The following COA8 variants were observed in gnomAD, a reference collection of about 807,000 sequenced individuals.
COA8 encodes the protein UPF0671 protein C14orf153.
COA8 carries 20 observed loss-of-function variants against 22.0 expected under a neutral mutation model. The ratio of observed to expected loss-of-function variants is 0.91; its 90% CI spans 0.64 to 1.32. COA8 has a LOEUF of 1.32. Ranked by LOEUF, COA8 falls within the 40% of genes most tolerant of loss-of-function variation. The pLI is 0.00. For missense variants in COA8, 266 were observed against 230.0 expected, an observed-to-expected ratio of 1.16 and a Z score of -1.01; for synonymous variants, 105 against 79.9, an observed-to-expected ratio of 1.31 and a Z score of -1.68.
At position 103,578,586 on chromosome 14, in the gene COA8, C is replaced by T. The variant is rs1034447583; in HGVS notation, c.385+4416C>T. Among the ~76,000 whole-genome samples, 8 of 152,162 alleles carry T rather than the reference C, an allele frequency of 5.3e-5. No individual in the cohort carries two copies. In the East Asian group the frequency reaches 5.8e-4, roughly 11 times the overall value. The stretch of plus-strand genomic sequence containing the variant: ...CCTAAGTATTTATGAAACACCCACT[C>T]GGTTTTCAGTAAGTGTGGTGAACTC... On this transcript the variant is annotated intron_variant, in intron 3 of 4. Coordinates refer to ENST00000409074, the MANE Select transcript of COA8 (RefSeq NM_001370595.2).
intron 1 of COA8, among the ~76,000 whole-genome samples, chr14:103,570,096 A>G (rs1566978785): frequency 1.3e-5 from 2 of 152,084 alleles, no homozygotes; most frequent in Non-Finnish European, 2.9e-5. Flanking sequence ...ACCTTAGGTG[A>G]TCCACCCACC....
chr14:103,583,257 T>C (rs1218927237), intron 3 of COA8, among the ~76,000 whole-genome samples: 2 of 152,116 alleles, frequency 1.3e-5, no homozygotes, highest in East Asian at 1.9e-4. Context: ...AGAGTCTTTT[T>C]GGCCTGGCGC....
At chr14:103,571,583 T>C (rs1180321655) in intron 1 of COA8, 40 bp from the exon 2 acceptor site, 1 of 1,509,800 alleles carries the variant, frequency 6.6e-7, no homozygotes, top group Non-Finnish European at 9.2e-7. Flanking sequence ...ATACTAGAGA[T>C]TCATTTTGTC....
At chr14:103,564,011 G>T (rs183070716) in intron 1 of COA8, among the ~76,000 whole-genome samples, 96 of 152,126 alleles carry the variant, frequency 6.3e-4, no homozygotes, top group Middle Eastern at 3.4e-3. Context: ...AAATTAGCTG[G>T]GCATAGTGGC....
chr14:103,563,165 C>T (rs1252109137), intron 1 of COA8, 41 bp downstream of exon 1: 1 of 1,538,114 alleles, frequency 6.5e-7, no homozygotes, highest in Non-Finnish European at 8.7e-7. Context: ...GAGGGGTGAC[C>T]GGAAGGGAAG....
intron 1 of COA8, 84 bp downstream of exon 1, chr14:103,563,208 T>C (rs773081674): frequency 1.7e-4 from 256 of 1,497,818 alleles, no homozygotes; most frequent in Admixed American, 3.9e-5. Flanking sequence ...CTCCCTGTTC[T>C]GCACAGCCGC....
At position 103,581,838 on chromosome 14, in the gene COA8, G is replaced by A. The variant is rs2076269453; in HGVS notation, c.386-5436G>A. On this transcript the variant is annotated intron_variant, in intron 3 of 4. Coordinates refer to ENST00000409074, the MANE Select transcript of COA8 (RefSeq NM_001370595.2). This position sits in a 1 kb window ranked among gnomAD's most constrained non-coding sequence, Gnocchi z 4.1. ...TCCTGTCCTGTCTGCCGTGTGGCTA[G>A]GGGACAGCCGTGCTTGTGCTGTGCC... Among the ~76,000 whole-genome samples, 1 of 152,226 alleles carries A rather than the reference G, an allele frequency of 6.6e-6. No individual in the cohort carries two copies. Among genetic ancestry groups the A allele is most frequent in the South Asian group, 2.1e-4 (1 of 4,834 alleles).
chr14:103,576,224 T>C (rs1160815371), intron 3 of COA8, among the ~76,000 whole-genome samples: 1 of 152,142 alleles, frequency 6.6e-6, no homozygotes, highest in Admixed American at 6.5e-5. Flanking sequence ...GAGAATCACT[T>C]GAACCCAGGA....
rs79441421 is a variant in COA8 at position 103,582,971 on chromosome 14, A to G, written c.386-4303A>G. Among the ~76,000 whole-genome samples, 247 of 152,200 alleles carry G rather than the reference A, an allele frequency of 1.6e-3. 4 individuals carry two copies. In the East Asian group the frequency reaches 0.032, roughly 20 times the overall value. On this transcript the variant is annotated intron_variant, in intron 3 of 4. Transcript: ENST00000409074. Reference sequence around the variant, plus strand: ...ATCTCTGGATTTGCCTATTCTGAACATTTCCAGATAAATGGAATCATACAA... The same window carrying G: ...ATCTCTGGATTTGCCTATTCTGAACGTTTCCAGATAAATGGAATCATACAA...
chr14:103,577,204 G>A (rs1014227428), intron 3 of COA8, among the ~76,000 whole-genome samples: 2 of 151,978 alleles, frequency 1.3e-5, no homozygotes, highest in African/African-American at 4.8e-5. Flanking sequence ...CAAGTAGCTG[G>A]GATTATAGGC....
At chr14:103,575,389 G>A (rs1277423764) in intron 3 of COA8, among the ~76,000 whole-genome samples, 1 of 152,210 alleles carries the variant, frequency 6.6e-6, no homozygotes, top group Admixed American at 6.5e-5. Context: ...ACTGAATTTG[G>A]TAATAGGACA....
chr14:103,588,867 A>C (rs1007343628), intron 4 of COA8, among the ~76,000 whole-genome samples: 1 of 152,162 alleles, frequency 6.6e-6, no homozygotes, highest in African/African-American at 2.4e-5. Flanking sequence ...ATACAGTCAA[A>C]GGCTGGATGG....
intron 4 of COA8, among the ~76,000 whole-genome samples, chr14:103,588,749 G>C (rs1257373970): frequency 6.6e-6 from 1 of 152,076 alleles, no homozygotes; most frequent in East Asian, 1.9e-4. Flanking sequence ...GGCTGAGGCA[G>C]GAGGATCCCT....
At chr14:103,566,710 G>A (rs1294965241) in intron 1 of COA8, among the ~76,000 whole-genome samples, 6 of 152,358 alleles carry the variant, frequency 3.9e-5, no homozygotes, top group African/African-American at 1.4e-4. Flanking sequence ...CCTTTGCATG[G>A]TGGTGCAGGG....
intron 3 of COA8, among the ~76,000 whole-genome samples, chr14:103,577,853 C>T (rs2076240179): frequency 6.6e-6 from 1 of 151,874 alleles, no homozygotes; most frequent in Non-Finnish European, 1.5e-5. Context: ...GAAGAAACTC[C>T]ATCTCTACTA....
chr14:103,582,663 G>A (rs865983320), intron 3 of COA8, among the ~76,000 whole-genome samples: 2 of 151,212 alleles, frequency 1.3e-5, no homozygotes, highest in Non-Finnish European at 1.5e-5. Context: ...TGCCTGGGTC[G>A]TAATCACTTG....
intron 3 of COA8, among the ~76,000 whole-genome samples, chr14:103,583,028 C>G (rs2151185276): frequency 6.6e-6 from 1 of 152,000 alleles, no homozygotes; most frequent in South Asian, 2.1e-4. Context: ...CTTTTTTTCA[C>G]TTAGGTTCAT....
chr14:103,585,194 C>T lies in COA8; in HGVS notation c.386-2080C>T, dbSNP rs1240599248. Reference sequence around the variant, plus strand: ...TTTTGTTGCTGAGATAAAAAGAGTTCTTGGCCAGGCGCGGTGGCTCACGCC... The same window carrying T: ...TTTTGTTGCTGAGATAAAAAGAGTTTTTGGCCAGGCGCGGTGGCTCACGCC... On this transcript the variant is annotated intron_variant, in intron 3 of 4. Coordinates refer to ENST00000409074, the MANE Select transcript of COA8 (RefSeq NM_001370595.2). Among the ~76,000 whole-genome samples, 7 of 147,714 alleles carry T rather than the reference C, an allele frequency of 4.7e-5. No homozygotes were observed. In the East Asian group the frequency reaches 1.5e-3, roughly 31 times the overall value.
At position 103,590,295 on chromosome 14, in the gene COA8, T is replaced by C. The variant is rs1281970624; in HGVS notation, c.*9T>C. 6.2e-7 allele frequency: 1 copy of C among 1,611,026 alleles called. No individual in the cohort carries two copies. The highest frequency in any genetic ancestry group is 1.7e-5 in the Admixed American group (1 of 59,802). On this transcript the variant is annotated 3_prime_UTR_variant, in exon 5 of 5. Coordinates refer to ENST00000409074, the MANE Select transcript of COA8 (RefSeq NM_001370595.2). Reference sequence around the variant, plus strand: ...AGAAGAGGAGCAACTAGGAGTCCACTCTGACCCAGCCAGAGTCCAGGTTTC... The same window carrying C: ...AGAAGAGGAGCAACTAGGAGTCCACCCTGACCCAGCCAGAGTCCAGGTTTC...
Sources: allele counts gnomAD v4.1 joint callset (sites outside exome capture counted in the v4.1 genomes callset), GRCh38; gene constraint gnomAD v4.1.1; non-coding constraint Gnocchi (gnomAD v3.1); transcripts MANE v1.5; gene names NCBI Gene and HGNC (gene_info 2026-07-23, HGNC 2026-07-21).